Variants in KCNQ5 observed in about 807,000 individuals in gnomAD.
KCNQ5 encodes the protein potassium voltage-gated channel subfamily Q member 5, also known as potassium voltage-gated channel subfamily KQT member 5.
In KCNQ5, 30 loss-of-function variants were observed where a neutral mutation model predicts 98.2. The ratio of observed to expected loss-of-function variants is 0.31; its 90% CI spans 0.23 to 0.41. The LOEUF is 0.41. Among genes scored for constraint, KCNQ5 ranks in the 10% least tolerant of loss-of-function variants. The pLI is 1.00. For synonymous variants in KCNQ5, 458 were observed against 449.4 expected (o/e 1.02, Z -0.24); for missense variants, 835 against 1,182.5 (o/e 0.71, Z 4.31).
At chr6:72,942,526 A>C (rs575885578) in intron 1 of KCNQ5, among the ~76,000 whole-genome samples, 2 of 152,256 alleles carry the variant, frequency 1.3e-5, no homozygotes, top group Non-Finnish European at 2.9e-5. Flanking sequence ...AAAAGAATTA[A>C]AGAAAGCATA....
chr6:72,795,082 G>A (rs778996222), intron 1 of KCNQ5, among the ~76,000 whole-genome samples: 1 of 152,050 alleles, frequency 6.6e-6, no homozygotes, highest in Non-Finnish European at 1.5e-5. Flanking sequence ...AGATGCTTCC[G>A]ACATGTTGGT....
rs752931009 is a variant in KCNQ5 at position 72,622,601 on chromosome 6, C to A, written c.398+14C>A. ...CCACGCTTTCGTGTGAGTACCCGCG[C>A]CCCCTGCTATGCCCGCTGCAGGGGA... is the stretch of plus-strand genomic sequence containing the variant. On this transcript the variant is annotated intron_variant, in intron 1 of 13. Coordinates refer to ENST00000370398, the MANE Select transcript of KCNQ5 (RefSeq NM_019842.4). The surrounding 1 kb of genome is among the most constrained non-coding windows in gnomAD (Gnocchi z 6.0). The A allele has an allele frequency of 3.1e-6, 5 of 1,611,504 alleles. No homozygotes were observed. The African/African-American group carries it at 5.3e-5, about 17-fold the overall frequency.
intron 1 of KCNQ5, among the ~76,000 whole-genome samples, chr6:72,941,419 CT>C (rs1766256828): frequency 7.5e-6 from 1 of 133,898 alleles, no homozygotes; most frequent in South Asian, 2.6e-4. Flanking sequence ...TCCCTCCCTT[CT>C]TTCCTTCCTC....
intron 1 of KCNQ5, among the ~76,000 whole-genome samples, chr6:72,719,090 T>C (rs1306464711): frequency 1.3e-5 from 2 of 152,210 alleles, no homozygotes; most frequent in Non-Finnish European, 2.9e-5. Context: ...GGGGCATAAA[T>C]AGATAAGATA....
At chr6:72,706,159 C>G (rs1291379147) in intron 1 of KCNQ5, among the ~76,000 whole-genome samples, 1 of 151,906 alleles carries the variant, frequency 6.6e-6, no homozygotes, top group Non-Finnish European at 1.5e-5. Flanking sequence ...TTCTTTTTAT[C>G]ATGAATTATT....
intron 1 of KCNQ5, among the ~76,000 whole-genome samples, chr6:72,848,372 C>T (rs1582404523): frequency 6.6e-6 from 1 of 152,270 alleles, no homozygotes; most frequent in South Asian, 2.1e-4. Context: ...CTACCCCCGA[C>T]AGGCCCAGGT....
chr6:73,094,174 T>G (rs963812708), intron 5 of KCNQ5, among the ~76,000 whole-genome samples: 6 of 152,142 alleles, frequency 3.9e-5, no homozygotes, highest in Non-Finnish European at 8.8e-5. Flanking sequence ...TTTGTCTTTT[T>G]TAACTGCTGT....
intron 3 of KCNQ5, among the ~76,000 whole-genome samples, chr6:73,051,974 A>G (rs1273956325): frequency 6.6e-6 from 1 of 152,226 alleles, no homozygotes; most frequent in Non-Finnish European, 1.5e-5. Context: ...AACCTAATCC[A>G]GGGATTCTAA....
At chr6:72,934,488 C>T (rs1374711608) in intron 1 of KCNQ5, among the ~76,000 whole-genome samples, 1 of 152,050 alleles carries the variant, frequency 6.6e-6, no homozygotes, top group East Asian at 1.9e-4. Context: ...AAATAAAATG[C>T]CCACGGTCAC....
At chr6:72,806,991 G>T (rs1300092308) in intron 1 of KCNQ5, 3 of 247,848 alleles carry the variant, frequency 1.2e-5, no homozygotes, top group South Asian at 3.8e-5. Flanking sequence ...TGTATATGTT[G>T]CATTTCTCAT....
intron 1 of KCNQ5, among the ~76,000 whole-genome samples, chr6:72,854,068 G>A (rs1208174664): frequency 1.3e-5 from 2 of 152,118 alleles, no homozygotes; most frequent in Non-Finnish European, 2.9e-5. Context: ...GTGCAATGAG[G>A]TTACAATGAC....
At chr6:73,079,440 G>A (rs1180358806) in intron 5 of KCNQ5, among the ~76,000 whole-genome samples, 1 of 152,106 alleles carries the variant, frequency 6.6e-6, no homozygotes, top group African/African-American at 2.4e-5. Flanking sequence ...TTGTTGCATT[G>A]TTCCACTAGT....
chr6:73,066,111 A>G (rs965064671), intron 3 of KCNQ5, among the ~76,000 whole-genome samples: 1 of 152,192 alleles, frequency 6.6e-6, no homozygotes, highest in South Asian at 2.1e-4. Context: ...ATGCCATTGC[A>G]CTCCAGCCTG....
At chr6:72,998,461 C>T (rs1769405796) in intron 1 of KCNQ5, among the ~76,000 whole-genome samples, 1 of 152,088 alleles carries the variant, frequency 6.6e-6, no homozygotes, top group Non-Finnish European at 1.5e-5. Context: ...AAGGGCCAGG[C>T]ACGGTGGCTC....
intron 11 of KCNQ5, among the ~76,000 whole-genome samples, chr6:73,188,630 A>G (rs1765470716): frequency 6.6e-6 from 1 of 152,204 alleles, no homozygotes; most frequent in Non-Finnish European, 1.5e-5. Flanking sequence ...CTAAGCACAC[A>G]ATGTCATAGT....
intron 5 of KCNQ5, among the ~76,000 whole-genome samples, chr6:73,083,578 C>A (rs908501923): frequency 6.6e-5 from 10 of 152,132 alleles, no homozygotes; most frequent in East Asian, 3.8e-4. Flanking sequence ...ACCCCAATTG[C>A]AGAACACATT....
chr6:72,970,872 G>T (rs1367295127), intron 1 of KCNQ5, among the ~76,000 whole-genome samples: 1 of 152,148 alleles, frequency 6.6e-6, no homozygotes, highest in Non-Finnish European at 1.5e-5. Flanking sequence ...AGACTTACAT[G>T]TTAGACCTAA....
chr6:73,195,461 T>G lies in KCNQ5; in HGVS notation c.*47T>G. The G allele has an allele frequency of 6.3e-7, 1 of 1,576,114 alleles. No homozygotes were observed. On this transcript the variant is annotated 3_prime_UTR_variant, in exon 14 of 14. Coordinates refer to ENST00000370398, the MANE Select transcript of KCNQ5 (RefSeq NM_019842.4). ...CATAGCAGTTCTTTAGCCATACATA[T>G]CATTGCATGAACTATTTCGAAAGCC...
chr6:73,103,259 G>C (rs112649964), intron 5 of KCNQ5, among the ~76,000 whole-genome samples: 5 of 152,258 alleles, frequency 3.3e-5, no homozygotes, highest in African/African-American at 9.6e-5. Context: ...AACAGTTAAG[G>C]ATTAAGAAAA....
Sources: allele counts gnomAD v4.1 joint callset (sites outside exome capture counted in the v4.1 genomes callset), GRCh38; gene constraint gnomAD v4.1.1; non-coding constraint Gnocchi (gnomAD v3.1); transcripts MANE v1.5; gene names NCBI Gene and HGNC (gene_info 2026-07-23, HGNC 2026-07-21).